Variants in LAMA2 observed in about 807,000 individuals in gnomAD.
LAMA2 encodes the protein laminin subunit alpha 2.
Under a neutral mutation model 364.8 loss-of-function variants are expected in LAMA2, and 269 were observed. The ratio of observed to expected loss-of-function variants is 0.74; its 90% CI spans 0.67 to 0.82. The LOEUF (loss-of-function observed/expected upper bound fraction) is 0.82. Among genes scored for constraint, LAMA2 ranks in the 40% least tolerant of loss-of-function variants. The pLI is 0.00. For missense variants in LAMA2, 3,807 were observed against 3,873.2 expected (o/e 0.98, Z 0.45); for synonymous variants, 1,379 against 1,370.6 (o/e 1.01, Z -0.14).
intron 37 of LAMA2, among the ~76,000 whole-genome samples, chr6:129,398,859 A>C (rs554249603): frequency 6.6e-6 from 1 of 152,306 alleles, no homozygotes; most frequent in African/African-American, 2.4e-5. Flanking sequence ...GTCTTTATGG[A>C]ATTTGTGTTA....
intron 14 of LAMA2, among the ~76,000 whole-genome samples, chr6:129,254,921 T>C (rs1022262540): frequency 4.6e-5 from 7 of 152,302 alleles, no homozygotes; most frequent in Admixed American, 2.0e-4. Flanking sequence ...TAGACATTAG[T>C]AGAGTTCACC....
intron 4 of LAMA2, among the ~76,000 whole-genome samples, chr6:129,107,398 G>A (rs896578341): frequency 2.0e-5 from 3 of 152,094 alleles, no homozygotes; most frequent in African/African-American, 7.2e-5. Context: ...GCTCAGCCTG[G>A]AATGAGAGTG....
intron 1 of LAMA2, among the ~76,000 whole-genome samples, chr6:128,977,627 A>G (rs1027169639): frequency 4.6e-5 from 7 of 152,050 alleles, no homozygotes; most frequent in Admixed American, 6.5e-5. Flanking sequence ...CTGATTCATT[A>G]CCTTCAACAG....
chr6:129,017,663 A>C (rs1013977114), intron 1 of LAMA2, among the ~76,000 whole-genome samples: 1 of 152,100 alleles, frequency 6.6e-6, no homozygotes, highest in South Asian at 2.1e-4. Context: ...CATGCCAGAC[A>C]CATGGTGACA....
chr6:128,967,162 G>A (rs966464594), intron 1 of LAMA2, among the ~76,000 whole-genome samples: 2 of 152,192 alleles, frequency 1.3e-5, no homozygotes, highest in Admixed American at 6.5e-5. Context: ...CAGACAGAGA[G>A]CAGCATCAGG....
intron 29 of LAMA2, among the ~76,000 whole-genome samples, chr6:129,335,358 A>C (rs2114551156): frequency 1.0e-5 from 1 of 99,086 alleles, no homozygotes; most frequent in Admixed American, 1.0e-4. Flanking sequence ...GTAAGTAGGT[A>C]GATAGATAGA....
At chr6:129,419,793 G>A (rs1780983345) in intron 40 of LAMA2, among the ~76,000 whole-genome samples, 1 of 151,996 alleles carries the variant, frequency 6.6e-6, no homozygotes, top group Non-Finnish European at 1.5e-5. Context: ...CACCCTTAGG[G>A]TATGCTATGC....
intron 12 of LAMA2, among the ~76,000 whole-genome samples, chr6:129,225,540 T>G (rs900986285): frequency 3.9e-5 from 6 of 152,232 alleles, no homozygotes; most frequent in African/African-American, 1.4e-4. Flanking sequence ...TGTATCTTTG[T>G]TCTCATTAGT....
chr6:129,303,367 C>A (rs1231297406), intron 22 of LAMA2, among the ~76,000 whole-genome samples: 3 of 152,092 alleles, frequency 2.0e-5, no homozygotes, highest in Admixed American at 6.6e-5. Context: ...TGTAGATAAT[C>A]ATGTCATCTG....
intron 29 of LAMA2, among the ~76,000 whole-genome samples, chr6:129,332,127 G>A (rs1218904836): frequency 6.6e-6 from 1 of 152,068 alleles, no homozygotes; most frequent in African/African-American, 2.4e-5. Flanking sequence ...GAGATATTTT[G>A]ATATTGACAT....
intron 1 of LAMA2, among the ~76,000 whole-genome samples, chr6:128,883,730 A>G (rs1274797938): frequency 1.3e-5 from 2 of 151,632 alleles, no homozygotes; most frequent in South Asian, 2.1e-4. Context: ...AGGCTTCCCA[A>G]GCTGTGTGGT....
chr6:129,039,753 T>C (rs1318227718), intron 1 of LAMA2, among the ~76,000 whole-genome samples: 1 of 152,180 alleles, frequency 6.6e-6, no homozygotes, highest in Non-Finnish European at 1.5e-5. Context: ...GCTCACAACC[T>C]AGATCCCTCG....
chr6:129,382,530 G>C (rs925981799), intron 34 of LAMA2, among the ~76,000 whole-genome samples: 1 of 152,120 alleles, frequency 6.6e-6, no homozygotes, highest in Non-Finnish European at 1.5e-5. Flanking sequence ...CATATTTCTG[G>C]TGCTATCATA....
At chr6:129,262,813 G>A (rs919422259) in intron 15 of LAMA2, among the ~76,000 whole-genome samples, 1 of 152,064 alleles carries the variant, frequency 6.6e-6, no homozygotes, top group Non-Finnish European at 1.5e-5. Context: ...TAAAAGCTGA[G>A]TAAACGCCAA....
At chr6:129,063,167 T>G (rs1447773921) in intron 3 of LAMA2, among the ~76,000 whole-genome samples, 1 of 152,108 alleles carries the variant, frequency 6.6e-6, no homozygotes, top group Non-Finnish European at 1.5e-5. Context: ...AAAGTAATGA[T>G]AATGGCAATA....
At chr6:129,359,473 G>A (rs1461095043) in intron 32 of LAMA2, among the ~76,000 whole-genome samples, 2 of 151,626 alleles carry the variant, frequency 1.3e-5, no homozygotes, top group African/African-American at 4.8e-5. Context: ...TTTTATTTGA[G>A]AAGATATTTA....
Position 129,514,533 on chromosome 6 carries a change from G to C in LAMA2, c.9149G>C (p.Ser3050Thr), listed in dbSNP as rs752650459. 2 of 1,614,138 alleles carry C rather than the reference G, an allele frequency of 1.2e-6. No homozygotes were observed. The highest frequency in any genetic ancestry group is 3.3e-5 in the Admixed American group (2 of 60,022). ...TVDGNQVEAQ[S>T]PNPASTSADT... ...GATGGGAACCAGGTGGAAGCCCAAAGCCCAAACCCAGCATCTACATCAGCT... is the reference window on the plus strand; with the variant it reads ...GATGGGAACCAGGTGGAAGCCCAAACCCCAAACCCAGCATCTACATCAGCT... The change falls in exon 64 of 65, where the codon AGC (serine) becomes ACC (threonine). Residue 3050 changes from serine to threonine, a missense_variant. Physicochemically the swap from Ser to Thr is moderately conservative, Grantham distance 58. This residue lies in a region of LAMA2 where 3,333 missense variants were observed against 3,345.7 expected (regional missense o/e 1.00). Coordinates refer to ENST00000421865, the MANE Select transcript of LAMA2 (RefSeq NM_000426.4).
At chr6:128,957,240 A>G (rs941972636) in intron 1 of LAMA2, among the ~76,000 whole-genome samples, 2 of 152,048 alleles carry the variant, frequency 1.3e-5, no homozygotes, top group African/African-American at 4.8e-5. Flanking sequence ...CTCCAGTACT[A>G]TTCTATTTTT....
At position 129,328,317 on chromosome 6, in the gene LAMA2, G is replaced by C; in HGVS notation, c.4216G>C (p.Gly1406Arg). ...PGFYRLRSQP[G>R]GRTPGPTLGT... Reference sequence around the variant, plus strand: ...ATTTTATCGACTGCGTTCTCAACCAGGTGGCCGCACCCCTGGACCAACCCT... The same window carrying C: ...ATTTTATCGACTGCGTTCTCAACCACGTGGCCGCACCCCTGGACCAACCCT... The change falls in exon 29 of 65, where the codon GGT becomes CGT. Residue 1406 changes from glycine (G) to arginine (R), a missense_variant. By Grantham distance (125) the Gly-to-Arg change is moderately radical (BLOSUM62 -2). Coordinates refer to ENST00000421865, the MANE Select transcript of LAMA2 (RefSeq NM_000426.4). 6.2e-7 allele frequency: 1 copy of C among 1,614,148 alleles called. No individual in the cohort carries two copies. Among genetic ancestry groups the C allele is most frequent in the Non-Finnish European group, 8.5e-7 (1 of 1,180,026 alleles).
Sources: gnomAD v4.1 joint callset for allele counts (sites outside exome capture counted in the v4.1 genomes callset) on GRCh38, gnomAD v4.1.1 for gene constraint, gnomAD v4.1.1 regional missense constraint, MANE v1.5 for transcripts, NCBI Gene and HGNC (gene_info 2026-07-23, HGNC 2026-07-21) for gene names.